WDR59: variants seen among roughly 807,000 people sequenced by gnomAD.
WDR59 encodes the protein GATOR2 complex protein WDR59.
WDR59 carries 100 observed loss-of-function variants against 131.2 expected under a neutral mutation model. The observed-to-expected ratio is 0.76, with a 90% CI of 0.65 to 0.90. The LOEUF is 0.90. Ranked by LOEUF, WDR59 falls within the 40% of genes least tolerant of loss-of-function variation. WDR59 has a pLI of 0.00. For synonymous variants in WDR59, 601 were observed against 466.2 expected, an observed-to-expected ratio of 1.29 and a Z score of -3.72; for missense variants, 1,203 against 1,262.2, an observed-to-expected ratio of 0.95 and a Z score of 0.71.
chr16:74,923,248 C>T (rs2030430659), intron 9 of WDR59, among the ~76,000 whole-genome samples: 1 of 152,104 alleles, frequency 6.6e-6, no homozygotes, highest in Non-Finnish European at 1.5e-5. Flanking sequence ...AAGGCCATAC[C>T]AGTATTAAAT....
intron 2 of WDR59, among the ~76,000 whole-genome samples, chr16:74,962,331 G>A (rs143432929): frequency 0.019 from 2,823 of 152,172 alleles, 86 homozygotes; most frequent in African/African-American, 0.065. Context: ...GAATGTCAAT[G>A]GTAGTTTAAT....
chr16:74,922,189 C>T lies in WDR59; in HGVS notation c.730-86G>A, dbSNP rs923993443. 4 of 1,535,470 alleles carry T rather than the reference C, an allele frequency of 2.6e-6. No individual in the cohort carries two copies. In the African/African-American group the frequency reaches 4.1e-5, roughly 16 times the overall value. On this transcript the variant is annotated intron_variant, in intron 9 of 25. Transcript: ENST00000262144. ...TGAGTTTCCAAACCTGGAATTCTTCCTAAGTAAAATAAATTAGATAATGGA... is the reference window on the plus strand; with the variant it reads ...TGAGTTTCCAAACCTGGAATTCTTCTTAAGTAAAATAAATTAGATAATGGA...
At chr16:74,891,511 C>T (rs1349308279) in intron 20 of WDR59, among the ~76,000 whole-genome samples, 1 of 152,210 alleles carries the variant, frequency 6.6e-6, no homozygotes, top group African/African-American at 2.4e-5. Flanking sequence ...ACAATTTAGA[C>T]GTGTTATTTC....
intron 17 of WDR59, 24 bp from the exon 18 acceptor site, chr16:74,904,124 C>A: frequency 6.2e-7 from 1 of 1,603,766 alleles, no homozygotes; most frequent in Non-Finnish European, 8.5e-7. Flanking sequence ...TGATAATTAT[C>A]CACACTGGCT....
At chr16:74,912,100 T>C (rs777620609) in intron 14 of WDR59, 98 bp downstream of exon 14, 1 of 1,523,304 alleles carries the variant, frequency 6.6e-7, no homozygotes, top group Non-Finnish European at 9.1e-7. Context: ...AACAGATGAC[T>C]TCCGAATCTC....
chr16:74,906,052 C>T (rs2869879), intron 17 of WDR59, among the ~76,000 whole-genome samples: 53,044 of 151,516 alleles, frequency 0.35, 9,350 homozygotes, highest in Middle Eastern at 0.39. Context: ...CGGTGGCTCA[C>T]GCCTGTAATC....
In WDR59 at chr16:74,956,614, G is replaced by C. The variant is rs759755141; in HGVS notation, c.105-4C>G. On this transcript the variant is annotated splice_polypyrimidine_tract_variant and splice_region_variant and intron_variant, in intron 2 of 25. Transcript: ENST00000262144. ...GACGATGTATAAGAATCTGCGGCTA[G>C]AGACCAACATCAACATTATAATAGT... 7.4e-6 allele frequency: 12 copies of C among 1,613,684 alleles called. No homozygotes were observed. Among genetic ancestry groups the C allele is most frequent in the African/African-American group, 4.0e-5 (3 of 74,898 alleles).
At chr16:74,942,114 T>C (rs1263563826) in intron 7 of WDR59, among the ~76,000 whole-genome samples, 3 of 152,158 alleles carry the variant, frequency 2.0e-5, no homozygotes, top group African/African-American at 7.2e-5. Context: ...TCAACTTCAG[T>C]AGACTTTCCA....
At chr16:74,899,366 T>A (rs945810922) in intron 18 of WDR59, among the ~76,000 whole-genome samples, 1 of 152,124 alleles carries the variant, frequency 6.6e-6, no homozygotes, top group Non-Finnish European at 1.5e-5. Flanking sequence ...TTTTGAAAGC[T>A]CCAAAAAATT....
chr16:74,969,216 T>C (rs1360082040), intron 1 of WDR59, among the ~76,000 whole-genome samples: 1 of 152,234 alleles, frequency 6.6e-6, no homozygotes, highest in Admixed American at 6.5e-5. Context: ...TGGCATTTTA[T>C]ATCCACTTAC....
At chr16:74,929,643 T>A (rs572407038) in intron 8 of WDR59, among the ~76,000 whole-genome samples, 2 of 151,956 alleles carry the variant, frequency 1.3e-5, no homozygotes, top group South Asian at 2.1e-4. Context: ...AAACAAAGAA[T>A]AGAACTATCA....
intron 25 of WDR59, among the ~76,000 whole-genome samples, chr16:74,877,895 T>C (rs1383311529): frequency 1.3e-5 from 2 of 152,226 alleles, no homozygotes; most frequent in Non-Finnish European, 2.9e-5. Context: ...TGTTGCAATG[T>C]CTTGTCTTTA....
At chr16:74,958,364 T>TG (rs999213157) in intron 2 of WDR59, among the ~76,000 whole-genome samples, 1 of 150,546 alleles carries the variant, frequency 6.6e-6, no homozygotes, top group African/African-American at 2.4e-5. Flanking sequence ...CCAAGGTGGG[T>TG]GGATAGCCTC....
intron 10 of WDR59, among the ~76,000 whole-genome samples, chr16:74,920,327 G>A (rs368175041): frequency 6.6e-6 from 1 of 152,064 alleles, no homozygotes; most frequent in Non-Finnish European, 1.5e-5. Context: ...AATGTAGGCC[G>A]ATGGAAGTGT....
intron 1 of WDR59, among the ~76,000 whole-genome samples, chr16:74,979,972 C>T (rs1001067888): frequency 4.0e-5 from 6 of 151,568 alleles, no homozygotes; most frequent in African/African-American, 1.2e-4. Context: ...CCTCAGCCTC[C>T]CGAGTAGCTG....
chr16:74,938,157 G>T lies in WDR59; in HGVS notation c.644C>A (p.Ser215Tyr), dbSNP rs778499534. 3 of 1,548,516 alleles carry T rather than the reference G, an allele frequency of 1.9e-6. No homozygotes were observed. In the East Asian group the frequency reaches 7.2e-5, roughly 37 times the overall value. ...CCCATGGGTGCCACTGACCTTCACA[G>T]AATTGTCTTGACTGGAGGTAGCAAG... ...HILATSSQDN[S>Y]VKFWDYRQPR... The change falls in exon 8 of 26, where the codon TCT becomes TAT. Residue 215 changes from serine (S) to tyrosine (Y), a missense_variant. Transcript: ENST00000262144.
intron 7 of WDR59, among the ~76,000 whole-genome samples, chr16:74,939,467 G>A (rs139058442): frequency 0.02 from 3,020 of 151,582 alleles, 49 homozygotes; most frequent in Admixed American, 0.028. Flanking sequence ...CTTATAGTAC[G>A]AGGATAATGC....
At chr16:74,899,735 C>T (rs1272481410) in intron 18 of WDR59, 7 of 1,288,972 alleles carry the variant, frequency 5.4e-6, no homozygotes, top group East Asian at 5.5e-5. Context: ...CCAACGCCGC[C>T]GGGCAGAGCG....
intron 3 of WDR59, among the ~76,000 whole-genome samples, chr16:74,955,789 A>T (rs2033260380): frequency 1.3e-5 from 2 of 152,156 alleles, no homozygotes; most frequent in Admixed American, 6.6e-5. Context: ...CTCTCCTGCC[A>T]GCCCAATGCA....
Sources: allele counts gnomAD v4.1 joint callset (sites outside exome capture counted in the v4.1 genomes callset), GRCh38; gene constraint gnomAD v4.1.1; transcripts MANE v1.5; gene names NCBI Gene and HGNC (gene_info 2026-07-23, HGNC 2026-07-21).